The following ERAP1 variants were observed in gnomAD, a reference collection of about 807,000 sequenced individuals.
ERAP1 encodes the protein endoplasmic reticulum aminopeptidase 1.
A neutral mutation model predicts 103.7 loss-of-function variants in ERAP1; 86 were observed. The observed-to-expected ratio is 0.83, with a 90% CI of 0.70 to 0.99. ERAP1 has a LOEUF of 0.99. Among genes scored for constraint, ERAP1 ranks in the 50% least tolerant of loss-of-function variants. The pLI is 0.00. For synonymous variants in ERAP1, 398 were observed against 402.4 expected (o/e 0.99, Z 0.13); for missense variants, 1,009 against 1,128.4 (o/e 0.89, Z 1.52).
the ERAP1 span, among the ~76,000 whole-genome samples, chr5:96,908,272 G>C: frequency 6.6e-6 from 1 of 152,148 alleles, no homozygotes. Flanking sequence ...ACACACCTGA[G>C]GAGCACTTTC....
the ERAP1 span, chr5:96,886,509 C>A: frequency 2.0e-6 from 1 of 491,694 alleles, no homozygotes; most frequent in South Asian, 7.9e-5. Flanking sequence ...CTACAGAATA[C>A]TAGGAGAGGC....
the ERAP1 span, among the ~76,000 whole-genome samples, chr5:96,856,465 C>T: frequency 1.9e-4 from 27 of 144,548 alleles, no homozygotes; most frequent in African/African-American, 6.7e-4. Flanking sequence ...TGTTTTAGTA[C>T]AATGCTGTTT....
chr5:96,801,099 T>C lies in ERAP1; in HGVS notation c.525-99A>G. 4 of 1,336,404 alleles carry C rather than the reference T, an allele frequency of 3.0e-6. No individual in the cohort carries two copies. In the South Asian group the frequency reaches 5.0e-5, roughly 17 times the overall value. The allele number at this position is 1,336,404 out of a possible 1,614,324, so 82.8% of individuals were successfully genotyped here. A position where few individuals can be genotyped will look rare whatever the true frequency, so the allele number is the denominator to read the frequency against. Reference sequence around the variant, plus strand: ...ATTCCTAAAGTTACTATAAGATTGATGGATTTTGCTACTAAAAAATATTTC... The same window carrying C: ...ATTCCTAAAGTTACTATAAGATTGACGGATTTTGCTACTAAAAAATATTTC... On this transcript the variant is annotated intron_variant, in intron 2 of 18. Coordinates refer to ENST00000443439, the MANE Select transcript of ERAP1 (RefSeq NM_001040458.3).
the ERAP1 span, among the ~76,000 whole-genome samples, chr5:96,901,152 T>C: frequency 0.015 from 2,312 of 151,238 alleles, 51 homozygotes; most frequent in South Asian, 0.089. Flanking sequence ...TCCTGGATTC[T>C]ACTGTTATTT....
Position 96,778,636 on chromosome 5 carries a change from A to G in ERAP1, c.2670+1787T>C, listed in dbSNP as rs149856807. On this transcript the variant is annotated intron_variant, in intron 18 of 18. Coordinates refer to ENST00000443439, the MANE Select transcript of ERAP1 (RefSeq NM_001040458.3). Reference sequence around the variant, plus strand: ...GGAGGGATTTGGAATTTACTGCAAGAACAATAGGCAGGGTTTCAAGAAGCC... The same window carrying G: ...GGAGGGATTTGGAATTTACTGCAAGGACAATAGGCAGGGTTTCAAGAAGCC... Among the ~76,000 whole-genome samples, 573 of 152,312 alleles carry G rather than the reference A, an allele frequency of 3.8e-3. 5 individuals are homozygous for G. The highest frequency in any genetic ancestry group is 0.013 in the African/African-American group (547 of 41,562).
At chr5:96,802,577 T>G (rs1737083356) in intron 2 of ERAP1, among the ~76,000 whole-genome samples, 1 of 152,160 alleles carries the variant, frequency 6.6e-6, no homozygotes, top group South Asian at 2.1e-4. Context: ...AAACTGAGCA[T>G]AAAATCTCCC....
the ERAP1 span, among the ~76,000 whole-genome samples, chr5:96,868,172 C>G: frequency 2.5e-4 from 38 of 152,304 alleles, no homozygotes; most frequent in African/African-American, 8.4e-4. Context: ...TGTATACAAT[C>G]AGTTCTCTCT....
the ERAP1 span, chr5:96,915,692 G>A: frequency 6.6e-7 from 1 of 1,525,932 alleles, no homozygotes; most frequent in Non-Finnish European, 8.8e-7. Flanking sequence ...TTTCAGATTT[G>A]ACTTGGGCTC....
At chr5:96,896,252 C>A in the ERAP1 span, 23 of 747,858 alleles carry the variant, frequency 3.1e-5, no homozygotes, top group Non-Finnish European at 4.6e-5. Flanking sequence ...AAAGAAACAT[C>A]TCCCAAGAAA....
the ERAP1 span, chr5:96,909,646 T>C: frequency 6.2e-7 from 1 of 1,614,196 alleles, no homozygotes; most frequent in Admixed American, 1.7e-5. Flanking sequence ...GGGCTCAGTC[T>C]GGGACAGGAT....
chr5:96,803,637 CTA>C lies in ERAP1; in HGVS notation c.288_289del (p.His96GlnfsTer8). 2 of 1,614,156 alleles carry C rather than the reference CTA, an allele frequency of 1.2e-6. No homozygotes were observed. The highest frequency in any genetic ancestry group is 1.7e-5 in the Admixed American group (1 of 60,016). On this transcript the variant is annotated frameshift_variant, in exon 2 of 19. Coordinates refer to ENST00000443439, the MANE Select transcript of ERAP1 (RefSeq NM_001040458.3). LOFTEE classifies it high-confidence loss of function. ...GGCCCTAGATATCTGCAGGTGGTGA[CTA>C]TGCAGGATGATGGTGCTGGTGGGCT...
the ERAP1 span, among the ~76,000 whole-genome samples, chr5:96,914,148 T>TCTCTCACACA: frequency 2.0e-5 from 3 of 147,982 alleles, no homozygotes; most frequent in Admixed American, 6.7e-5. Flanking sequence ...TCTCTCTCTC[T>TCTCTCACACA]CACACACACA....
chr5:96,762,361 C>G, exon 20 of ERAP1: 4 of 1,595,102 alleles, frequency 2.5e-6, no homozygotes, highest in Non-Finnish European at 2.6e-6. Flanking sequence ...AGCCCCACCC[C>G]GTGATACCTC....
Position 96,790,762 on chromosome 5 carries a change from A to T in ERAP1, c.1321-119T>A, listed in dbSNP as rs997605105. The T allele has an allele frequency of 4.5e-6, 4 of 893,352 alleles. No homozygotes were observed. In the African/African-American group the frequency reaches 6.7e-5, roughly 15 times the overall value. 55.3% of individuals were successfully genotyped at this position (893,352 alleles called of 1,614,324 possible). A position where few individuals can be genotyped will look rare whatever the true frequency, so the allele number is the denominator to read the frequency against. On this transcript the variant is annotated intron_variant, in intron 8 of 18. Coordinates refer to ENST00000443439, the MANE Select transcript of ERAP1 (RefSeq NM_001040458.3). ...AAACGCAACTGCAGGAACACTGTTAATGTCTGGCAATTTGTGAAACAGAGT... is the reference window on the plus strand; with the variant it reads ...AAACGCAACTGCAGGAACACTGTTATTGTCTGGCAATTTGTGAAACAGAGT...
In ERAP1 at chr5:96,803,636, A is replaced by G; in HGVS notation, c.291T>C (p.Ser97=). ...TGGCCCTAGATATCTGCAGGTGGTG[A>G]CTATGCAGGATGATGGTGCTGGTGG... ...SQPTSTIILH[S]HHLQISRATL... The change falls in exon 2 of 19, where the codon AGT becomes AGC. Residue 97 remains serine (S), a synonymous_variant. Coordinates refer to ENST00000443439, the MANE Select transcript of ERAP1 (RefSeq NM_001040458.3). The G allele has an allele frequency of 6.2e-7, 1 of 1,614,192 alleles. No individual in the cohort carries two copies. Among genetic ancestry groups the G allele is most frequent in the Non-Finnish European group, 8.5e-7 (1 of 1,180,036 alleles).
the ERAP1 span, among the ~76,000 whole-genome samples, chr5:96,847,192 G>A: frequency 6.8e-6 from 1 of 147,230 alleles, no homozygotes; most frequent in East Asian, 2.0e-4. Flanking sequence ...AAGTTACAGT[G>A]AGCTGAGATC....
intron 13 of ERAP1, chr5:96,784,718 G>A (rs1345581018): frequency 6.5e-6 from 1 of 153,818 alleles, no homozygotes; most frequent in Non-Finnish European, 1.4e-5. Context: ...CCTTTAGGAA[G>A]CCTGGTCAAA....
the ERAP1 span, among the ~76,000 whole-genome samples, chr5:96,878,361 C>G: frequency 7.9e-5 from 12 of 151,682 alleles, no homozygotes; most frequent in African/African-American, 2.9e-4. Context: ...TGAGGCCATT[C>G]AGATAATGTT....
At chr5:96,800,721 GGT>G (rs1350615270) in intron 3 of ERAP1, 139 bp downstream of exon 3, 1 of 909,808 alleles carries the variant, frequency 1.1e-6, no homozygotes, top group Admixed American at 2.1e-5. Flanking sequence ...CAAAAGCATA[GGT>G]TATAAATGAA....
Sources: gnomAD v4.1 joint callset for allele counts (sites outside exome capture counted in the v4.1 genomes callset) on GRCh38, gnomAD v4.1.1 for gene constraint, MANE v1.5 for transcripts, NCBI Gene and HGNC (gene_info 2026-07-23, HGNC 2026-07-21) for gene names.